Variants in MLC1 observed in about 807,000 individuals in gnomAD.
MLC1 encodes the protein modulator of VRAC current 1.
In MLC1, 32 loss-of-function variants were observed where a neutral mutation model predicts 44.7. That is an observed-to-expected ratio of 0.72 (90% CI 0.54 to 0.96). MLC1 has a LOEUF of 0.96. MLC1 is among the 40% of genes least tolerant of loss of function. The pLI is 0.00. For synonymous variants in MLC1, 190 were observed against 213.0 expected, an observed-to-expected ratio of 0.89 and a Z score of 0.94; for missense variants, 459 against 492.2, an observed-to-expected ratio of 0.93 and a Z score of 0.64.
chr22:50,068,987 A>G (rs1369267028), intron 9 of MLC1, among the ~76,000 whole-genome samples: 1 of 151,818 alleles, frequency 6.6e-6, no homozygotes, highest in African/African-American at 2.4e-5. Flanking sequence ...TCGGCCTCCC[A>G]AAGTGCTGTG....
Position 50,064,060 on chromosome 22 carries a change from C to T in MLC1, c.1033G>A (p.Gly345Ser), listed in dbSNP as rs746212879. 71 of 1,596,930 alleles carry T rather than the reference C, an allele frequency of 4.4e-5. 6 individuals carry two copies. The East Asian group carries it at 1.1e-3, about 25-fold the overall frequency. ...LQGASWDTQN[G>S]PQERLAGEVA... is the part of the protein sequence containing the mutation. The stretch of plus-strand genomic sequence containing the variant: ...TCCCCAGCCAGGCGCTCCTGCGGGC[C>T]GTTCTGGGTGTCCCAGGATGCACCC... Residue 345 changes from glycine (G) to serine (S), a missense_variant, in exon 11 of 12, where the codon GGC becomes AGC. Physicochemically the swap from Gly to Ser is moderately conservative, Grantham distance 56. Transcript: ENST00000311597.
intron 5 of MLC1, among the ~76,000 whole-genome samples, chr22:50,078,861 T>G (rs1429947206): frequency 6.6e-6 from 1 of 152,212 alleles, no homozygotes; most frequent in Non-Finnish European, 1.5e-5. Flanking sequence ...CTCTGGCTCC[T>G]TCCTGATCCT....
chr22:50,075,118 C>T (rs1188684359), intron 7 of MLC1, among the ~76,000 whole-genome samples: 2 of 148,426 alleles, frequency 1.3e-5, no homozygotes, highest in Non-Finnish European at 2.9e-5. Flanking sequence ...CAACCAGCAC[C>T]GCCAGACTCA....
intron 10 of MLC1, among the ~76,000 whole-genome samples, chr22:50,066,897 C>T: frequency 6.7e-6 from 1 of 149,844 alleles, no homozygotes; most frequent in East Asian, 2.2e-4. Flanking sequence ...AAATGGAATA[C>T]AACCAGAGGC....
At chr22:50,070,765 C>CA (rs2061832804) in intron 8 of MLC1, among the ~76,000 whole-genome samples, 182 bp from the exon 9 acceptor site, 2 of 152,208 alleles carry the variant, frequency 1.3e-5, no homozygotes, top group Admixed American at 1.3e-4. Context: ...CGCAGGGAAG[C>CA]AGGGGTAGCC....
intron 8 of MLC1, among the ~76,000 whole-genome samples, chr22:50,073,209 T>C (rs553015278): frequency 6.6e-6 from 1 of 152,340 alleles, no homozygotes; most frequent in South Asian, 2.1e-4. Context: ...AGGAGGAGCC[T>C]GTAGCTGATG....
At chr22:50,074,599 G>C in intron 7 of MLC1, 1 of 476,524 alleles carries the variant, frequency 2.1e-6, no homozygotes, top group Non-Finnish European at 3.9e-6. Flanking sequence ...AGAAACTGAG[G>C]GTATTGACCT....
chr22:50,080,031 G>A lies in MLC1; in HGVS notation c.322-12C>T, dbSNP rs757863781. On this transcript the variant is annotated splice_polypyrimidine_tract_variant and intron_variant, in intron 4 of 11. Coordinates refer to ENST00000311597, the MANE Select transcript of MLC1 (RefSeq NM_015166.4). ...TGAAAGTTGGGAATCTGAAAAACAAGGCAGGAGGGGTTTTCCTTCTTTGAA... is the reference window on the plus strand; with the variant it reads ...TGAAAGTTGGGAATCTGAAAAACAAAGCAGGAGGGGTTTTCCTTCTTTGAA... 2 of 1,588,988 alleles carry A rather than the reference G, an allele frequency of 1.3e-6. No individual in the cohort carries two copies. Among genetic ancestry groups the A allele is most frequent in the African/African-American group, 2.7e-5 (2 of 74,386 alleles).
chr22:50,065,048 G>T (rs1044207421), intron 10 of MLC1, among the ~76,000 whole-genome samples: 3 of 151,994 alleles, frequency 2.0e-5, no homozygotes, highest in Admixed American at 6.5e-5. Flanking sequence ...CCTCAACCTC[G>T]CCAGTAGCTG....
chr22:50,074,554 A>G, intron 7 of MLC1: 1 of 576,232 alleles, frequency 1.7e-6, no homozygotes, highest in Non-Finnish European at 3.1e-6. Context: ...TAAAATAGCC[A>G]AAGAGGTGTT....
In MLC1 at chr22:50,081,296, C is replaced by T. The variant is rs888831523; in HGVS notation, c.268-899G>A. On this transcript the variant is annotated intron_variant, in intron 3 of 11. Transcript: ENST00000311597. ...AGGTGGAGGTTGCAGTGAGCAGAGA[C>T]GGCGCCATTGCACTCCAGCCTGTGT... Among the ~76,000 whole-genome samples the T allele has an allele frequency of 6.6e-5, 10 of 151,712 alleles. No homozygotes were observed. The East Asian group carries it at 1.9e-3, about 29-fold the overall frequency.
At chr22:50,070,479 G>A (rs1433775954) in intron 9 of MLC1, 48 bp downstream of exon 9, 10 of 1,521,732 alleles carry the variant, frequency 6.6e-6, no homozygotes, top group Non-Finnish European at 8.9e-6. Context: ...CCAGGCCCTG[G>A]CCCCGCTCGG....
chr22:50,083,278 A>G lies in MLC1; in HGVS notation c.178-105T>C. The G allele has an allele frequency of 9.7e-7, 1 of 1,032,388 alleles. No individual in the cohort carries two copies. Among genetic ancestry groups the G allele is most frequent in the South Asian group, 1.3e-5 (1 of 76,246 alleles). The allele number at this position is 1,032,388 out of a possible 1,614,324, so 64.0% of individuals were successfully genotyped here. On this transcript the variant is annotated intron_variant, in intron 2 of 11. Transcript: ENST00000311597. The surrounding 1 kb of genome is among the most constrained non-coding windows in gnomAD (Gnocchi z 4.6). ...CTGTCTGTGTATTGGTGACTCACCCACGTCCCCCAGCATCAACCACACCCG... is the reference window on the plus strand; with the variant it reads ...CTGTCTGTGTATTGGTGACTCACCCGCGTCCCCCAGCATCAACCACACCCG...
At chr22:50,085,641 C>G (rs2062262205), upstream of MLC1, 1 of 153,120 alleles carries the variant, frequency 6.5e-6, no homozygotes, top group African/African-American at 2.4e-5. Flanking sequence ...AAGAAGCGTC[C>G]CTAAGAATAG....
chr22:50,083,025 A>T lies in MLC1; in HGVS notation c.267+59T>A, dbSNP rs750535224. Reference sequence around the variant, plus strand: ...AAACCTGCACATCTCAGAACAAAGAAACCAGAGCACGTGCCGGCGAGCTTG... The same window carrying T: ...AAACCTGCACATCTCAGAACAAAGATACCAGAGCACGTGCCGGCGAGCTTG... On this transcript the variant is annotated intron_variant, in intron 3 of 11. Transcript: ENST00000311597. The surrounding 1 kb of genome is among the most constrained non-coding windows in gnomAD (Gnocchi z 4.6). 2.2e-5 allele frequency: 33 copies of T among 1,522,624 alleles called. No homozygotes were observed. The highest frequency in any genetic ancestry group is 2.9e-5 in the Non-Finnish European group (32 of 1,098,190). The allele number at this position is 1,522,624 out of a possible 1,614,324, so 94.3% of individuals were successfully genotyped here.
chr22:50,084,974 TATC>T lies in MLC1; in HGVS notation c.-59-16_-59-14del. 1 of 1,586,842 alleles carries T rather than the reference TATC, an allele frequency of 6.3e-7. No homozygotes were observed. Among genetic ancestry groups the T allele is most frequent in the Non-Finnish European group, 8.5e-7 (1 of 1,172,762 alleles). ...ACCAGTTCTTTATCTGGAATAAAAT[TATC>T]ATCGGCTTTGGCCACTCTGAGGAAA... On this transcript the variant is annotated splice_polypyrimidine_tract_variant and intron_variant, in intron 1 of 11. Transcript: ENST00000311597.
Position 50,084,758 on chromosome 22 carries a change from G to A in MLC1, c.145C>T (p.His49Tyr). The A allele has an allele frequency of 6.2e-7, 1 of 1,614,136 alleles. No homozygotes were observed. The highest frequency in any genetic ancestry group is 8.5e-7 in the Non-Finnish European group (1 of 1,180,048). Residue 49 changes from histidine (H) to tyrosine (Y), a missense_variant, in exon 2 of 12, where the codon CAC becomes TAC. By Grantham distance (83) the His-to-Tyr change is moderately conservative (BLOSUM62 2). Coordinates refer to ENST00000311597, the MANE Select transcript of MLC1 (RefSeq NM_015166.4). ...AGCACAGAGAAGACCCACGTCTTGT[G>A]GCTGAAGCAGGGGGGCAGTCTCTTC... ...LSKRLPPCFS[H>Y]KTWVFSVLMG...
chr22:50,067,257 C>T (rs761152236), intron 10 of MLC1, among the ~76,000 whole-genome samples: 6 of 152,014 alleles, frequency 3.9e-5, no homozygotes, highest in East Asian at 3.8e-4. Flanking sequence ...AGGCCGAGGA[C>T]GCTATCCCCC....
chr22:50,078,013 G>A (rs1176004488), intron 5 of MLC1, among the ~76,000 whole-genome samples: 4 of 143,104 alleles, frequency 2.8e-5, no homozygotes, highest in Non-Finnish European at 6.1e-5. Context: ...TTTTTGAGAC[G>A]GAGGTTCGCT....
Sources: gnomAD v4.1 joint callset for allele counts (sites outside exome capture counted in the v4.1 genomes callset) on GRCh38, gnomAD v4.1.1 for gene constraint, Gnocchi (gnomAD v3.1) non-coding constraint, MANE v1.5 for transcripts, NCBI Gene and HGNC (gene_info 2026-07-23, HGNC 2026-07-21) for gene names.